RPTOR: variants seen among roughly 807,000 people sequenced by gnomAD.
RPTOR encodes the protein regulatory-associated protein of mTOR.
RPTOR carries 21 observed loss-of-function variants against 169.9 expected under a neutral mutation model. The observed-to-expected ratio is 0.12, with a 90% CI of 0.09 to 0.18. RPTOR has a LOEUF of 0.18. RPTOR is among the 10% of genes least tolerant of loss of function. The pLI, the probability that RPTOR is intolerant of heterozygous loss-of-function variation, is 1.00. For synonymous variants in RPTOR, 732 were observed against 753.2 expected (o/e 0.97, Z 0.46); for missense variants, 1,133 against 1,855.9 (o/e 0.61, Z 7.16).
Position 80,701,154 on chromosome 17 carries a change from T to C in RPTOR, c.349-6687T>C, listed in dbSNP as rs2066097499. 5.3e-5 allele frequency among the ~76,000 whole-genome samples: 8 copies of C among 152,070 alleles called. No homozygotes were observed. In the South Asian group the frequency reaches 1.7e-3, roughly 32 times the overall value. On this transcript the variant is annotated intron_variant, in intron 3 of 33. Transcript: ENST00000306801. The stretch of plus-strand genomic sequence containing the variant: ...ACACAGAAGATGTGCACTGGACAAT[T>C]CCTCTCTGCTGAAAGGCCTCAGACA...
chr17:80,685,838 A>C (rs941687397), intron 3 of RPTOR, among the ~76,000 whole-genome samples: 1 of 150,908 alleles, frequency 6.6e-6, no homozygotes, highest in Non-Finnish European at 1.5e-5. Context: ...ATGGACCCCC[A>C]GAGTCGTCCT....
At chr17:80,836,218 T>G (rs1408317465) in intron 9 of RPTOR, among the ~76,000 whole-genome samples, 3 of 152,260 alleles carry the variant, frequency 2.0e-5, no homozygotes, top group Non-Finnish European at 4.4e-5. Flanking sequence ...GTAGCAGAGC[T>G]GGGAGCAGAG....
At chr17:80,577,622 T>C (rs1568314913) in intron 1 of RPTOR, among the ~76,000 whole-genome samples, 1 of 152,144 alleles carries the variant, frequency 6.6e-6, no homozygotes, top group Non-Finnish European at 1.5e-5. Flanking sequence ...CACTGAAGAA[T>C]TGGATAAGTG....
intron 4 of RPTOR, among the ~76,000 whole-genome samples, chr17:80,725,874 A>G (rs1307871489): frequency 6.6e-6 from 1 of 152,188 alleles, no homozygotes; most frequent in Non-Finnish European, 1.5e-5. Flanking sequence ...TATACAGCTC[A>G]TGTTTGAAAG....
intron 3 of RPTOR, among the ~76,000 whole-genome samples, chr17:80,703,231 T>C (rs1012066569): frequency 6.6e-6 from 1 of 152,244 alleles, no homozygotes; most frequent in Admixed American, 6.5e-5. Flanking sequence ...TTGACAGCGC[T>C]TTTTCCTTCC....
intron 3 of RPTOR, among the ~76,000 whole-genome samples, chr17:80,668,467 A>G (rs146500470): frequency 5.3e-5 from 8 of 152,278 alleles, no homozygotes; most frequent in African/African-American, 1.7e-4. Flanking sequence ...CTCAGCATGC[A>G]CTTGTTCTCC....
intron 11 of RPTOR, among the ~76,000 whole-genome samples, chr17:80,851,353 T>C (rs1216440632): frequency 6.6e-6 from 1 of 152,234 alleles, no homozygotes; most frequent in Admixed American, 6.5e-5. Context: ...AGGAGGTTTT[T>C]GTTTTGTTGT....
intron 1 of RPTOR, among the ~76,000 whole-genome samples, chr17:80,579,911 C>T (rs1429071584): frequency 6.6e-6 from 1 of 152,134 alleles, no homozygotes; most frequent in Non-Finnish European, 1.5e-5. Flanking sequence ...ATTCCTGATG[C>T]AGTGCTGCCT....
chr17:80,757,421 A>G (rs188599403), intron 6 of RPTOR, among the ~76,000 whole-genome samples: 1 of 152,246 alleles, frequency 6.6e-6, no homozygotes, highest in East Asian at 1.9e-4. Flanking sequence ...TCCTTTCTGA[A>G]CGCAGATCTC....
chr17:80,837,590 A>G (rs2067578616), intron 9 of RPTOR, among the ~76,000 whole-genome samples: 1 of 152,264 alleles, frequency 6.6e-6, no homozygotes, highest in Admixed American at 6.5e-5. Flanking sequence ...AGTCACAGTC[A>G]GAAGCCACAG....
chr17:80,839,177 G>A (rs1204487676), intron 10 of RPTOR, among the ~76,000 whole-genome samples: 1 of 152,250 alleles, frequency 6.6e-6, no homozygotes, highest in Non-Finnish European at 1.5e-5. Flanking sequence ...GTGTGCATGA[G>A]GTGTGTGTGA....
At chr17:80,621,707 G>A (rs1321810054) in intron 1 of RPTOR, among the ~76,000 whole-genome samples, 1 of 152,222 alleles carries the variant, frequency 6.6e-6, no homozygotes, top group African/African-American at 2.4e-5. Flanking sequence ...CACGGCTCAG[G>A]GAATAAGCAC....
chr17:80,551,967 A>C (rs2084351535), intron 1 of RPTOR, among the ~76,000 whole-genome samples: 1 of 152,180 alleles, frequency 6.6e-6, no homozygotes, highest in Non-Finnish European at 1.5e-5. Context: ...CTGTTTAACA[A>C]AGCACATCTT....
chr17:80,774,656 C>T (rs767528655), intron 6 of RPTOR, among the ~76,000 whole-genome samples: 1 of 152,214 alleles, frequency 6.6e-6, no homozygotes, highest in Non-Finnish European at 1.5e-5. Context: ...GTACTTTACA[C>T]GAGAACCAGC....
In RPTOR at chr17:80,861,097, T is replaced by C. The variant is rs185581857; in HGVS notation, c.1509+3197T>C. Among the ~76,000 whole-genome samples, 104 of 145,332 alleles carry C rather than the reference T, an allele frequency of 7.2e-4. 4 individuals are homozygous for C. The highest frequency in any genetic ancestry group is 2.4e-3 in the African/African-American group (98 of 41,136). On this transcript the variant is annotated intron_variant, in intron 13 of 33. Transcript: ENST00000306801. This position sits in a 1 kb window ranked among gnomAD's most constrained non-coding sequence, Gnocchi z 4.5. ...TACCCATTAAACTACAGATAAAGAA[T>C]GACTGCTTTGAAAGATTGGCTAAAG...
chr17:80,630,319 G>C (rs1171147491), intron 2 of RPTOR, among the ~76,000 whole-genome samples: 2 of 152,250 alleles, frequency 1.3e-5, no homozygotes, highest in African/African-American at 2.4e-5. Context: ...TTAGTAAGTA[G>C]TTAACTGGGG....
At chr17:80,896,360 A>G (rs56821198) in intron 20 of RPTOR, among the ~76,000 whole-genome samples, 110,836 of 145,248 alleles carry the variant, frequency 0.76, 42,320 homozygotes, top group Admixed American at 0.8. Flanking sequence ...CACCCCACAC[A>G]GCCGCCCCGA....
intron 4 of RPTOR, among the ~76,000 whole-genome samples, chr17:80,715,728 T>G (rs2066234455): frequency 6.6e-6 from 1 of 151,204 alleles, no homozygotes; most frequent in African/African-American, 2.4e-5. Flanking sequence ...CTCCCACCCT[T>G]CTCCCCAAGT....
chr17:80,885,994 G>A (rs985565000), intron 17 of RPTOR, among the ~76,000 whole-genome samples: 4 of 152,258 alleles, frequency 2.6e-5, no homozygotes, highest in African/African-American at 9.6e-5. Context: ...TCCTTTGCTG[G>A]TGAGATGGAA....
Sources: allele counts gnomAD v4.1 joint callset (sites outside exome capture counted in the v4.1 genomes callset), GRCh38; gene constraint gnomAD v4.1.1; non-coding constraint Gnocchi (gnomAD v3.1); transcripts MANE v1.5; gene names NCBI Gene and HGNC (gene_info 2026-07-23, HGNC 2026-07-21).